Variants in KIF16B observed in about 807,000 individuals in gnomAD.
KIF16B encodes kinesin family member 16B.
Under a neutral mutation model 156.3 loss-of-function variants are expected in KIF16B, and 98 were observed. The observed-to-expected ratio is 0.63, with a 90% CI of 0.53 to 0.74. The LOEUF (loss-of-function observed/expected upper bound fraction) is 0.74. Ranked by LOEUF, KIF16B falls within the 30% of genes least tolerant of loss-of-function variation. The pLI is 0.00. For missense variants in KIF16B, 1,421 were observed against 1,606.5 expected (o/e 0.88, Z 1.97); for synonymous variants, 564 against 583.7 (o/e 0.97, Z 0.49).
rs77403293 is a variant in KIF16B at position 16,358,443 on chromosome 20, A to G, written c.3499-1991T>C. Among the ~76,000 whole-genome samples, 648 of 152,308 alleles carry G rather than the reference A, an allele frequency of 4.3e-3. 3 individuals are homozygous for G. The highest frequency in any genetic ancestry group is 7.2e-3 in the Non-Finnish European group (487 of 68,016). The stretch of plus-strand genomic sequence containing the variant: ...CCTGACCTAGTCACAGAAAATGGAC[A>G]TGGGATTCCAGGTGATGTTCACTTC... On this transcript the variant is annotated intron_variant, in intron 22 of 25. Transcript: ENST00000354981.
At chr20:16,319,093 G>T (rs920037390) in intron 24 of KIF16B, among the ~76,000 whole-genome samples, 10 of 152,158 alleles carry the variant, frequency 6.6e-5, no homozygotes, top group Admixed American at 5.9e-4. Flanking sequence ...TGAAAACAAG[G>T]CAAGTATAAG....
Position 16,457,214 on chromosome 20 carries a change from T to G in KIF16B, c.1303-27232A>C, listed in dbSNP as rs73898759. Among the ~76,000 whole-genome samples, 1,019 of 152,336 alleles carry G rather than the reference T, an allele frequency of 6.7e-3. 15 individuals carry two copies. Among genetic ancestry groups the G allele is most frequent in the African/African-American group, 0.023 (961 of 41,576 alleles). Reference sequence around the variant, plus strand: ...CAGGTAATGCAAGTGTTTCATTTTTTTTTAAGAACAACAACAACAACAAAA... The same window carrying G: ...CAGGTAATGCAAGTGTTTCATTTTTGTTTAAGAACAACAACAACAACAAAA... On this transcript the variant is annotated intron_variant, in intron 12 of 25. Coordinates refer to ENST00000354981, the MANE Select transcript of KIF16B (RefSeq NM_024704.5).
chr20:16,497,074 C>A (rs774398673), intron 11 of KIF16B, among the ~76,000 whole-genome samples: 24 of 152,042 alleles, frequency 1.6e-4, no homozygotes, highest in Non-Finnish European at 3.4e-4. Flanking sequence ...AAGGCATGGG[C>A]ACACACATTG....
At chr20:16,335,359 A>G (rs1445204858) in intron 24 of KIF16B, among the ~76,000 whole-genome samples, 1 of 152,252 alleles carries the variant, frequency 6.6e-6, no homozygotes, top group Non-Finnish European at 1.5e-5. Context: ...AAAAAGGAAA[A>G]GACGACTAAT....
chr20:16,450,437 G>A (rs1025597400), intron 12 of KIF16B, among the ~76,000 whole-genome samples: 2 of 152,094 alleles, frequency 1.3e-5, no homozygotes, highest in Non-Finnish European at 2.9e-5. Flanking sequence ...AAGTTCTACC[G>A]CAAAAGCTTT....
intron 12 of KIF16B, among the ~76,000 whole-genome samples, chr20:16,444,950 G>A (rs913337513): frequency 5.9e-5 from 9 of 152,100 alleles, no homozygotes; most frequent in Non-Finnish European, 1.2e-4. Flanking sequence ...CTCAACTGAG[G>A]GCAAAAGCCT....
intron 10 of KIF16B, among the ~76,000 whole-genome samples, chr20:16,501,632 T>C (rs1224457416): frequency 6.6e-6 from 1 of 152,164 alleles, no homozygotes; most frequent in Non-Finnish European, 1.5e-5. Context: ...TGAGCTGGAA[T>C]ATCTTTGCAT....
At chr20:16,512,763 GCAGGCCAAC>G in intron 5 of KIF16B, 54 bp downstream of exon 5, 1 of 1,115,190 alleles carries the variant, frequency 9.0e-7, no homozygotes. Context: ...GCACCTAAAT[GCAGGCCAAC>G]CAGCATTGAC....
At chr20:16,276,986 C>T (rs1601468481) in intron 25 of KIF16B, among the ~76,000 whole-genome samples, 2 of 152,298 alleles carry the variant, frequency 1.3e-5, no homozygotes, top group Non-Finnish European at 2.9e-5. Flanking sequence ...ACAACACTTC[C>T]AGCCCCCAGG....
At chr20:16,306,937 A>C (rs1168372187) in intron 25 of KIF16B, among the ~76,000 whole-genome samples, 1 of 152,248 alleles carries the variant, frequency 6.6e-6, no homozygotes, top group Non-Finnish European at 1.5e-5. Flanking sequence ...TGAAACAGTG[A>C]CATTAAATAA....
intron 1 of KIF16B, among the ~76,000 whole-genome samples, chr20:16,564,982 C>A (rs993803670): frequency 6.6e-6 from 1 of 152,070 alleles, no homozygotes; most frequent in Non-Finnish European, 1.5e-5. Context: ...TTCCTCTCTC[C>A]ATGCCCCTTC....
chr20:16,443,411 A>G (rs2066854304), intron 12 of KIF16B, among the ~76,000 whole-genome samples: 1 of 152,204 alleles, frequency 6.6e-6, no homozygotes, highest in Admixed American at 6.5e-5. Context: ...TCCTCTATGA[A>G]CCCAAAGAGT....
intron 12 of KIF16B, among the ~76,000 whole-genome samples, chr20:16,460,885 G>T (rs571119062): frequency 3.9e-5 from 6 of 151,940 alleles, no homozygotes; most frequent in African/African-American, 1.4e-4. Context: ...AGGAAATTCT[G>T]AAAACAAATA....
chr20:16,345,930 A>G (rs189712321), intron 23 of KIF16B, among the ~76,000 whole-genome samples: 179 of 152,356 alleles, frequency 1.2e-3, no homozygotes, highest in African/African-American at 4.1e-3. Flanking sequence ...CATTAGGGAC[A>G]CTTTGGGAAC....
At chr20:16,280,662 G>A (rs559147219) in intron 25 of KIF16B, among the ~76,000 whole-genome samples, 1 of 152,284 alleles carries the variant, frequency 6.6e-6, no homozygotes, top group South Asian at 2.1e-4. Context: ...GGTCATAAGA[G>A]GCTGACAAAG....
At chr20:16,367,545 G>A in intron 22 of KIF16B, 2 of 1,612,864 alleles carry the variant, frequency 1.2e-6, no homozygotes, top group South Asian at 2.2e-5. Flanking sequence ...ACTGGTCATG[G>A]CCAGAGTCAC....
chr20:16,439,343 T>C (rs1001901119), intron 12 of KIF16B, among the ~76,000 whole-genome samples: 4 of 152,136 alleles, frequency 2.6e-5, no homozygotes, highest in African/African-American at 7.2e-5. Flanking sequence ...CTTTTCAAAA[T>C]ATCAAGAGAC....
intron 15 of KIF16B, among the ~76,000 whole-genome samples, chr20:16,407,701 T>C (rs1441229109): frequency 6.6e-6 from 1 of 152,106 alleles, no homozygotes. Flanking sequence ...CAATACTGGA[T>C]AGATGAAATA....
chr20:16,299,834 C>T (rs2063445484), intron 25 of KIF16B, among the ~76,000 whole-genome samples: 1 of 152,136 alleles, frequency 6.6e-6, no homozygotes, highest in African/African-American at 2.4e-5. Context: ...CAGGAACAAC[C>T]TTTATTAGAT....
Sources: gnomAD v4.1 joint callset for allele counts (sites outside exome capture counted in the v4.1 genomes callset) on GRCh38, gnomAD v4.1.1 for gene constraint, MANE v1.5 for transcripts, NCBI Gene and HGNC (gene_info 2026-07-23, HGNC 2026-07-21) for gene names.